The following SEC16A variants were observed in gnomAD, a reference collection of about 807,000 sequenced individuals.
SEC16A encodes SEC16 homolog A, endoplasmic reticulum export factor.
A neutral mutation model predicts 221.9 loss-of-function variants in SEC16A; 110 were observed. The observed-to-expected ratio is 0.50, with a 90% confidence interval of 0.42 to 0.58. The LOEUF is 0.58. SEC16A is among the 20% of genes least tolerant of loss of function. The pLI is 0.00. For missense variants in SEC16A, 3,165 were observed against 3,097.8 expected, an observed-to-expected ratio of 1.02 and a Z score of -0.52; for synonymous variants, 1,393 against 1,257.7, an observed-to-expected ratio of 1.11 and a Z score of -2.28.
intron 8 of SEC16A, among the ~76,000 whole-genome samples, chr9:136,465,099 G>C (rs779391894): frequency 6.6e-6 from 1 of 152,124 alleles, no homozygotes; most frequent in South Asian, 2.1e-4. Context: ...CTGGGTGACA[G>C]AGTGAGACTC....
chr9:136,481,427 C>A (rs909415486), intron 1 of SEC16A, among the ~76,000 whole-genome samples: 2 of 152,168 alleles, frequency 1.3e-5, no homozygotes, highest in Non-Finnish European at 2.9e-5. Context: ...CATGAGCCAC[C>A]GCGCCCGGCC....
intron 20 of SEC16A, among the ~76,000 whole-genome samples, chr9:136,455,161 C>T (rs1009699059): frequency 3.3e-5 from 5 of 152,186 alleles, no homozygotes; most frequent in African/African-American, 9.6e-5. Flanking sequence ...AGCCGAGAAG[C>T]GCGAGAGAGG....
Position 136,445,707 on chromosome 9 carries a change from C to A in SEC16A, c.6805G>T (p.Ala2269Ser). 6.4e-7 allele frequency: 1 copy of A among 1,553,342 alleles called. No individual in the cohort carries two copies. ...AGTTCAGAGCCAGGGAGTGACGCTG[C>A]AGAGCTTAAAACCTGCCGAGGAAAA... ...PAPEPKVLSS[A>S]ASLPGSELPS... The change falls in exon 29 of 32, where the codon GCA becomes TCA. Residue 2269 changes from alanine to serine, a missense_variant. Coordinates refer to ENST00000684901, the MANE Select transcript of SEC16A (RefSeq NM_014866.2).
chr9:136,476,367 G>A lies in SEC16A; in HGVS notation c.1249C>T (p.His417Tyr), dbSNP rs1452109429. ...PGLGRPPAPTHVGAGSLCQAL... is the reference protein window; with the variant it reads ...PGLGRPPAPTYVGAGSLCQAL... ...TGGCAGAGGCTGCCTGCCCCCACGTGTGTAGGTGCGGGCGGACGGCCTAGC... is the reference window on the plus strand; with the variant it reads ...TGGCAGAGGCTGCCTGCCCCCACGTATGTAGGTGCGGGCGGACGGCCTAGC... Residue 417 changes from histidine (H) to tyrosine (Y), a missense_variant, in exon 3 of 32, where the codon CAC (histidine) becomes TAC (tyrosine). Around this residue, in one of 3 missense-constraint regions of SEC16A, gnomAD observed 2,030 missense variants for 1,923.1 expected, o/e 1.06. Transcript: ENST00000684901. 11 of 1,612,846 alleles carry A rather than the reference G, an allele frequency of 6.8e-6. No homozygotes were observed. In the South Asian group the frequency reaches 1.1e-4, roughly 16 times the overall value.
chr9:136,460,007 G>A (rs1215654043), intron 14 of SEC16A, 35 bp downstream of exon 14: 4 of 1,560,492 alleles, frequency 2.6e-6, no homozygotes, highest in East Asian at 4.6e-5. Context: ...CACAGGCAGT[G>A]GAGCCTGTGC....
At chr9:136,453,551 G>C in intron 21 of SEC16A, 41 bp from the exon 22 acceptor site, 1 of 1,534,676 alleles carries the variant, frequency 6.5e-7, no homozygotes, top group Non-Finnish European at 9.0e-7. Context: ...TCAGTCACGA[G>C]AAGGCGGGAC....
chr9:136,466,238 CGT>C lies in SEC16A; in HGVS notation c.4128+24_4128+25del. The stretch of plus-strand genomic sequence containing the variant: ...TGGTGGTTCTAAACACAACCGTCCG[CGT>C]GTCTGTGAGGCGCCGCCGCGTACCT... On this transcript the variant is annotated intron_variant, in intron 7 of 31. Transcript: ENST00000684901. The surrounding 1 kb of genome is among the most constrained non-coding windows in gnomAD (Gnocchi z 5.5). The C allele has an allele frequency of 6.3e-7, 1 of 1,588,740 alleles. No individual in the cohort carries two copies. Among genetic ancestry groups the C allele is most frequent in the Non-Finnish European group, 8.6e-7 (1 of 1,165,480 alleles).
In SEC16A at chr9:136,457,543, C is replaced by G. The variant is rs1318433964; in HGVS notation, c.5451G>C (p.Gly1817=). 1.2e-6 allele frequency: 2 copies of G among 1,610,880 alleles called. No individual in the cohort carries two copies. The highest frequency in any genetic ancestry group is 1.7e-6 in the Non-Finnish European group (2 of 1,178,448). ...AGTAGTGGAAGGCTTGCGTGGCCAGCCCCATTTCCGCCAGGCGGCAGGAGT... is the reference window on the plus strand; with the variant it reads ...AGTAGTGGAAGGCTTGCGTGGCCAGGCCCATTTCCGCCAGGCGGCAGGAGT... ...FIYSCRLAEM[G]LATQAFHYCE... Residue 1817 remains glycine (G), a synonymous_variant, in exon 18 of 32, where the codon GGG becomes GGC. Coordinates refer to ENST00000684901, the MANE Select transcript of SEC16A (RefSeq NM_014866.2).
intron 1 of SEC16A, among the ~76,000 whole-genome samples, chr9:136,482,370 C>A (rs1025100481): frequency 1.3e-5 from 2 of 152,150 alleles, no homozygotes; most frequent in Non-Finnish European, 2.9e-5. Context: ...TGTTCTTAAG[C>A]GGCAAAAACT....
At chr9:136,457,960 TC>T (rs908952353) in intron 17 of SEC16A, among the ~76,000 whole-genome samples, 7 of 152,088 alleles carry the variant, frequency 4.6e-5, no homozygotes, top group Admixed American at 4.6e-4. Context: ...GATACTTCAT[TC>T]TTTTTTATTT....
chr9:136,463,555 C>G lies in SEC16A; in HGVS notation c.4555G>C (p.Ala1519Pro). The stretch of plus-strand genomic sequence containing the variant: ...TTTTCATTCTGCAAACATTTCATAG[C>G]TTTGTTCTGTGCAAAATTAATGACA... ...VDVINFAQNK[A>P]MKCLQNENLI... Residue 1519 changes from alanine to proline, a missense_variant, in exon 11 of 32, where the codon GCT becomes CCT. Ala to Pro is a conservative substitution (Grantham distance 27, BLOSUM62 -1). Around this residue, in one of 3 missense-constraint regions of SEC16A, gnomAD observed 47 missense variants for 85.0 expected, o/e 0.55. Transcript: ENST00000684901. The G allele has an allele frequency of 6.2e-7, 1 of 1,613,912 alleles. No individual in the cohort carries two copies. The highest frequency in any genetic ancestry group is 8.5e-7 in the Non-Finnish European group (1 of 1,179,874).
chr9:136,462,758 C>G, intron 12 of SEC16A, 129 bp downstream of exon 12: 1 of 1,043,874 alleles, frequency 9.6e-7, no homozygotes. Context: ...CAGCAAGACC[C>G]GAAGCCCCAC....
rs199886294 is a variant in SEC16A at position 136,465,990 on chromosome 9, G to A, written c.4275C>T (p.Ala1425=). The change falls in exon 8 of 32, where the codon GCC becomes GCT. Residue 1425 remains alanine (A), a synonymous_variant. Coordinates refer to ENST00000684901, the MANE Select transcript of SEC16A (RefSeq NM_014866.2). ...GCTCCATGGCAGGCCAGACGGTGTC[G>A]GCAGGGTAGCCATACTCTGGGAAGC... ...GPGFPEYGYP[A]DTVWPAMEQV... is the part of the protein sequence containing the mutation. The A allele has an allele frequency of 4.9e-4, 784 of 1,613,024 alleles. No individual in the cohort carries two copies. Among genetic ancestry groups the A allele is most frequent in the Middle Eastern group, 2.0e-3 (12 of 6,070 alleles).
At chr9:136,464,293 G>T in intron 9 of SEC16A, 127 bp downstream of exon 9, 1 of 914,646 alleles carries the variant, frequency 1.1e-6, no homozygotes, top group Non-Finnish European at 1.6e-6. Context: ...AAAATTCACA[G>T]GAATAAACAT....
At chr9:136,452,732 T>G (rs1281049817) in intron 22 of SEC16A, among the ~76,000 whole-genome samples, 1 of 128,180 alleles carries the variant, frequency 7.8e-6, no homozygotes, top group Non-Finnish European at 1.6e-5. Context: ...CGCCACTGCA[T>G]TCCAGCCTAG....
chr9:136,478,402 CAA>C (rs34093106), intron 2 of SEC16A, among the ~76,000 whole-genome samples: 62 of 95,190 alleles, frequency 6.5e-4, no homozygotes, highest in Non-Finnish European at 6.1e-4. Flanking sequence ...GTCCCTAGCT[CAA>C]AAAAAAAAAA....
chr9:136,440,749 T>G lies in SEC16A; in HGVS notation c.*1006A>C, dbSNP rs1836103478. 2.0e-5 allele frequency: 3 copies of G among 152,522 alleles called. No individual in the cohort carries two copies. The South Asian group carries it at 6.2e-4, about 32-fold the overall frequency. The allele number at this position is 152,522 out of a possible 1,614,324, so 9.4% of individuals were successfully genotyped here. A position where few individuals can be genotyped will look rare whatever the true frequency, so the allele number is the denominator to read the frequency against. On this transcript the variant is annotated 3_prime_UTR_variant, in exon 32 of 32. Coordinates refer to ENST00000684901, the MANE Select transcript of SEC16A (RefSeq NM_014866.2). ...CAGAGCTGCTGTCAAGAAACTGTGT[T>G]AAGATACTCTCCCCAAGTGCTACCA...
At chr9:136,444,040 T>C in intron 30 of SEC16A, 140 bp from the exon 31 acceptor site, 2 of 570,012 alleles carry the variant, frequency 3.5e-6, no homozygotes, top group Admixed American at 3.5e-5. Context: ...AGACACTTCT[T>C]GCAACACTGG....
At position 136,475,546 on chromosome 9, in the gene SEC16A, C is replaced by T. The variant is rs367726826; in HGVS notation, c.2070G>A (p.Pro690=). 130 of 1,613,254 alleles carry T rather than the reference C, an allele frequency of 8.1e-5. 1 individual carries two copies. The highest frequency in any genetic ancestry group is 1.1e-4 in the Non-Finnish European group (126 of 1,179,650). The stretch of plus-strand genomic sequence containing the variant: ...TATCCAAGGGCGGTGCCCCTGCGTG[C>T]GGAAGCATGTGCACAGCTTCCGTGG... ...NSTTEAVHML[P]HAGAPPLDTV... The change falls in exon 3 of 32, where the codon CCG becomes CCA. Residue 690 remains proline, a synonymous_variant. Coordinates refer to ENST00000684901, the MANE Select transcript of SEC16A (RefSeq NM_014866.2). This position sits in a 1 kb window ranked among gnomAD's most constrained non-coding sequence, Gnocchi z 5.0.
Sources: allele counts gnomAD v4.1 joint callset (sites outside exome capture counted in the v4.1 genomes callset), GRCh38; gene constraint gnomAD v4.1.1; regional missense constraint gnomAD v4.1.1; non-coding constraint Gnocchi (gnomAD v3.1); transcripts MANE v1.5; gene names NCBI Gene and HGNC (gene_info 2026-07-23, HGNC 2026-07-21).